The following GALNT2 variants were observed in gnomAD, a reference collection of about 807,000 sequenced individuals.
GALNT2 encodes the protein polypeptide N-acetylgalactosaminyltransferase 2.
Under a neutral mutation model 81.4 loss-of-function variants are expected in GALNT2, and 31 were observed. The observed-to-expected ratio is 0.38, with a 90% CI of 0.29 to 0.51. The LOEUF (loss-of-function observed/expected upper bound fraction) is 0.51, where lower values mean the gene tolerates loss of function less well. GALNT2 is among the 20% of genes least tolerant of loss of function. GALNT2 has a pLI of 0.87. For synonymous variants in GALNT2, 303 were observed against 287.4 expected, an observed-to-expected ratio of 1.05 and a Z score of -0.55; for missense variants, 629 against 765.7, an observed-to-expected ratio of 0.82 and a Z score of 2.11.
At chr1:230,237,673 G>A (rs1313054760) in intron 6 of GALNT2, among the ~76,000 whole-genome samples, 1 of 152,076 alleles carries the variant, frequency 6.6e-6, no homozygotes. Flanking sequence ...TAAACAGTGG[G>A]ATAAGCCTTG....
intron 3 of GALNT2, among the ~76,000 whole-genome samples, chr1:230,213,134 C>T (rs1244438885): frequency 9.2e-5 from 14 of 152,190 alleles, no homozygotes. Flanking sequence ...GTGTGATTTG[C>T]TTTCTTTACT....
Position 230,279,664 on chromosome 1 carries a change from T to C in GALNT2, c.*206T>C, listed in dbSNP as rs1666383565. On this transcript the variant is annotated 3_prime_UTR_variant, in exon 16 of 16. Coordinates refer to ENST00000366672, the MANE Select transcript of GALNT2 (RefSeq NM_004481.5). This position sits in a 1 kb window ranked among gnomAD's most constrained non-coding sequence, Gnocchi z 4.6. The stretch of plus-strand genomic sequence containing the variant: ...AGCGAGAACTGCCCTCCCCCTCCTC[T>C]CGGTGCAGCCCAGCCGGGCCCCCTT... 1 of 638,256 alleles carries C rather than the reference T, an allele frequency of 1.6e-6. No individual in the cohort carries two copies. Among genetic ancestry groups the C allele is most frequent in the Non-Finnish European group, 2.7e-6 (1 of 375,640 alleles). 39.5% of individuals were successfully genotyped at this position (638,256 alleles called of 1,614,324 possible).
intron 2 of GALNT2, among the ~76,000 whole-genome samples, chr1:230,184,052 C>A (rs1663240707): frequency 2.6e-5 from 4 of 151,356 alleles, no homozygotes. Flanking sequence ...CATGTAGATC[C>A]AGGTTTCTGA....
chr1:230,112,915 A>G (rs78546762), intron 1 of GALNT2, among the ~76,000 whole-genome samples: 73 of 152,250 alleles, frequency 4.8e-4, no homozygotes, highest in African/African-American at 1.7e-3. Context: ...GCCCTTAGGA[A>G]CTGCCTGGGA....
intron 3 of GALNT2, among the ~76,000 whole-genome samples, chr1:230,221,950 T>C (rs1393861463): frequency 6.6e-6 from 1 of 151,928 alleles, no homozygotes; most frequent in African/African-American, 2.4e-5. Context: ...GATGTGTCTC[T>C]GGTTTCTCCT....
At chr1:230,249,414 G>A (rs1161729675) in intron 9 of GALNT2, 143 bp downstream of exon 9, 4 of 643,790 alleles carry the variant, frequency 6.2e-6, no homozygotes, top group Non-Finnish European at 1.1e-5. Flanking sequence ...GCTCAAAGAT[G>A]AGCACCTTCC....
chr1:230,105,398 AT>A (rs1272111024), intron 1 of GALNT2, among the ~76,000 whole-genome samples: 1 of 151,206 alleles, frequency 6.6e-6, no homozygotes, highest in African/African-American at 2.4e-5. Flanking sequence ...TACAATGCAC[AT>A]TTCCCCCGCC....
chr1:230,061,086 G>A (rs1309076226), intron 1 of GALNT2, among the ~76,000 whole-genome samples: 2 of 152,132 alleles, frequency 1.3e-5, no homozygotes, highest in South Asian at 2.1e-4. Context: ...CTGGGTGCAA[G>A]GGGTGCTCAT....
At chr1:230,121,718 G>A (rs529428081) in intron 1 of GALNT2, among the ~76,000 whole-genome samples, 5 of 152,184 alleles carry the variant, frequency 3.3e-5, no homozygotes, top group South Asian at 2.1e-4. Flanking sequence ...CCATGCCCAC[G>A]GAGTCAGTCC....
At chr1:230,130,856 C>T (rs566836374) in intron 1 of GALNT2, among the ~76,000 whole-genome samples, 2 of 150,422 alleles carry the variant, frequency 1.3e-5, no homozygotes, top group African/African-American at 2.4e-5. Flanking sequence ...GCTGAGTGGG[C>T]GGGTGGGGGC....
chr1:230,229,132 A>G (rs1664799856), intron 3 of GALNT2, among the ~76,000 whole-genome samples: 1 of 152,344 alleles, frequency 6.6e-6, no homozygotes, highest in Admixed American at 6.5e-5. Context: ...ATTAAAACGT[A>G]GGTTTGACAA....
At chr1:230,258,079 T>C (rs1040640391) in intron 11 of GALNT2, among the ~76,000 whole-genome samples, 7 of 152,076 alleles carry the variant, frequency 4.6e-5, no homozygotes, top group Non-Finnish European at 1.0e-4. Context: ...CATGCCCGGC[T>C]AATTTTTGTA....
At chr1:230,270,223 A>T (rs539772241) in intron 14 of GALNT2, among the ~76,000 whole-genome samples, 14 of 152,300 alleles carry the variant, frequency 9.2e-5, no homozygotes, top group East Asian at 5.8e-4. Flanking sequence ...AAAAATTTTT[A>T]AAAAATAGGA....
intron 1 of GALNT2, among the ~76,000 whole-genome samples, chr1:230,151,635 A>G (rs1226436784): frequency 3.9e-5 from 6 of 152,264 alleles, no homozygotes. Context: ...TAAGGAAGGA[A>G]AGCAGAGCTC....
intron 1 of GALNT2, among the ~76,000 whole-genome samples, chr1:230,084,635 A>G (rs72648058): frequency 1.3e-5 from 2 of 151,846 alleles, no homozygotes. Flanking sequence ...AGGGTTGTGG[A>G]GGGTCTGCCA....
chr1:230,222,273 G>C (rs994690923), intron 3 of GALNT2, among the ~76,000 whole-genome samples: 9 of 151,928 alleles, frequency 5.9e-5, no homozygotes, highest in African/African-American at 2.2e-4. Context: ...TGATCCGCCC[G>C]CCTCGGCCTC....
chr1:230,245,917 G>A (rs1396606685), intron 7 of GALNT2, 146 bp from the exon 8 acceptor site: 4 of 663,432 alleles, frequency 6.0e-6, no homozygotes, highest in African/African-American at 3.6e-5. Flanking sequence ...TGGGTGGGGA[G>A]GCTGGGTTCT....
chr1:230,144,932 A>G (rs1003422504), intron 1 of GALNT2, among the ~76,000 whole-genome samples: 3 of 152,148 alleles, frequency 2.0e-5, no homozygotes, highest in Admixed American at 2.0e-4. Flanking sequence ...GGCAGCCTTC[A>G]GTGATCTCCC....
At chr1:230,185,273 C>CGTGTGTGTGT (rs1177553093) in intron 2 of GALNT2, among the ~76,000 whole-genome samples, 16 of 119,510 alleles carry the variant, frequency 1.3e-4, no homozygotes, top group African/African-American at 4.5e-4. Context: ...TGCGTGCGTG[C>CGTGTGTGTGT]GTGTGTGTGT....
Sources: allele counts gnomAD v4.1 joint callset (sites outside exome capture counted in the v4.1 genomes callset), GRCh38; gene constraint gnomAD v4.1.1; non-coding constraint Gnocchi (gnomAD v3.1); transcripts MANE v1.5; gene names NCBI Gene and HGNC (gene_info 2026-07-23, HGNC 2026-07-21).